Variants in SMARCC1 observed in about 807,000 individuals in gnomAD.
SMARCC1 encodes the protein SWI/SNF complex subunit SMARCC1.
In SMARCC1, 43 loss-of-function variants were observed where a neutral mutation model predicts 147.4. The observed-to-expected ratio is 0.29, with a 90% CI of 0.23 to 0.38. The LOEUF is 0.38. Ranked by LOEUF, SMARCC1 falls within the 10% of genes least tolerant of loss-of-function variation. The probability of loss-of-function intolerance (pLI) is 1.00; values close to 1 mark genes in which losing one functional copy is unlikely to be tolerated. For missense variants in SMARCC1, 1,119 were observed against 1,381.1 expected (o/e 0.81, Z 3.01); for synonymous variants, 495 against 484.4 (o/e 1.02, Z -0.29).
intron 4 of SMARCC1, among the ~76,000 whole-genome samples, chr3:47,736,479 T>C (rs2034445055): frequency 1.3e-5 from 2 of 151,584 alleles, no homozygotes; most frequent in Non-Finnish European, 2.9e-5. Flanking sequence ...ATCAAGACCA[T>C]CCTGGCTAAC....
intron 19 of SMARCC1, among the ~76,000 whole-genome samples, chr3:47,664,104 A>C (rs539972956): frequency 1.6e-4 from 24 of 149,374 alleles, no homozygotes; most frequent in Non-Finnish European, 3.0e-4. Flanking sequence ...CAAAAATCCT[A>C]GTTTCTGTTG....
chr3:47,734,160 G>A (rs141128543), intron 5 of SMARCC1, among the ~76,000 whole-genome samples: 120 of 152,168 alleles, frequency 7.9e-4, no homozygotes, highest in African/African-American at 2.7e-3. Context: ...GAAACAGCAG[G>A]TTAATTTGTT....
At chr3:47,648,580 G>C (rs2033149150) in intron 21 of SMARCC1, among the ~76,000 whole-genome samples, 1 of 151,756 alleles carries the variant, frequency 6.6e-6, no homozygotes, top group Non-Finnish European at 1.5e-5. Flanking sequence ...GTAGAGACGA[G>C]GTCTCACTAT....
At chr3:47,643,373 T>C (rs774127524) in intron 21 of SMARCC1, among the ~76,000 whole-genome samples, 3 of 152,182 alleles carry the variant, frequency 2.0e-5, no homozygotes, top group Non-Finnish European at 2.9e-5. Flanking sequence ...CAGAAACCAC[T>C]GGATACAACC....
At chr3:47,649,524 T>C (rs1344237984) in intron 21 of SMARCC1, among the ~76,000 whole-genome samples, 1 of 152,188 alleles carries the variant, frequency 6.6e-6, no homozygotes, top group African/African-American at 2.4e-5. Context: ...GATGTACTCA[T>C]GGGAAACCTG....
rs1295183517 is a variant in SMARCC1, at chr3:47,585,487, C to T, written c.*2722G>A. On this transcript the variant is annotated 3_prime_UTR_variant, in exon 28 of 28. Transcript: ENST00000254480. ...GAAAACAATCACTTCTTTTTTTCTG[C>T]ACAGGGTTTATATCTGTGAGTACCC... 6.6e-6 allele frequency: 1 copy of T among 152,144 alleles called. No homozygotes were observed. The allele number at this position is 152,144 out of a possible 1,614,324, so 9.4% of individuals were successfully genotyped here. A position where few individuals can be genotyped will look rare whatever the true frequency, so the allele number is the denominator to read the frequency against.
intron 25 of SMARCC1, among the ~76,000 whole-genome samples, chr3:47,620,319 T>C (rs2032708848): frequency 6.6e-6 from 1 of 151,936 alleles, no homozygotes; most frequent in African/African-American, 2.4e-5. Flanking sequence ...AAAAATTAGC[T>C]GGGCGTGGTG....
intron 22 of SMARCC1, 126 bp from the exon 23 acceptor site, chr3:47,636,262 G>A (rs2032967318): frequency 3.3e-6 from 2 of 613,024 alleles, no homozygotes; most frequent in African/African-American, 3.7e-5. Context: ...AGATTCAAAA[G>A]TGACTTGTAG....
chr3:47,673,941 T>C (rs2033537354), intron 18 of SMARCC1, among the ~76,000 whole-genome samples: 3 of 152,206 alleles, frequency 2.0e-5, no homozygotes, highest in African/African-American at 4.8e-5. Flanking sequence ...TGTGAGCCAC[T>C]GTGCCTGGCC....
intron 2 of SMARCC1, among the ~76,000 whole-genome samples, chr3:47,749,670 AACACAC>A (rs1328820771): frequency 1.1e-5 from 1 of 92,414 alleles, no homozygotes; most frequent in African/African-American, 3.3e-5. Flanking sequence ...CTCTAAATTA[AACACAC>A]ACACACACAC....
At chr3:47,723,795 G>A (rs2034265442) in intron 6 of SMARCC1, among the ~76,000 whole-genome samples, 1 of 151,940 alleles carries the variant, frequency 6.6e-6, no homozygotes, top group East Asian at 1.9e-4. Flanking sequence ...TGGGCAACAA[G>A]AGTGAAACTC....
At chr3:47,772,534 G>A (rs547477260) in intron 2 of SMARCC1, among the ~76,000 whole-genome samples, 1 of 152,140 alleles carries the variant, frequency 6.6e-6, no homozygotes, top group South Asian at 2.1e-4. Context: ...AGAAAGCATG[G>A]AGAAGACTCG....
In SMARCC1 at chr3:47,696,682, C is replaced by T. The variant is rs184136834; in HGVS notation, c.1166-3382G>A. ...TACAGGCACCCACCACCACACCCGGCTAATTTTTTTTTGTATTTTTAGTAG... is the reference window on the plus strand; with the variant it reads ...TACAGGCACCCACCACCACACCCGGTTAATTTTTTTTTGTATTTTTAGTAG... On this transcript the variant is annotated intron_variant, in intron 11 of 27. Transcript: ENST00000254480. 2.8e-3 allele frequency among the ~76,000 whole-genome samples: 429 copies of T among 151,978 alleles called. 2 individuals are homozygous for T. Among genetic ancestry groups the T allele is most frequent in the Non-Finnish European group, 4.0e-3 (272 of 67,956 alleles).
At chr3:47,660,765 T>C (rs904493207) in intron 21 of SMARCC1, among the ~76,000 whole-genome samples, 2 of 152,204 alleles carry the variant, frequency 1.3e-5, no homozygotes, top group Admixed American at 1.3e-4. Flanking sequence ...AGTATGTGAC[T>C]TCCTATTGGG....
intron 21 of SMARCC1, among the ~76,000 whole-genome samples, chr3:47,655,668 T>C (rs2106727753): frequency 6.6e-6 from 1 of 151,836 alleles, no homozygotes; most frequent in African/African-American, 2.4e-5. Context: ...ACCACCATAC[T>C]CCAGTCTGGG....
At position 47,755,359 on chromosome 3, in the gene SMARCC1, G is replaced by A. The variant is rs546761507; in HGVS notation, c.316-9366C>T. Reference sequence around the variant, plus strand: ...AAAAAAAAATACAAAAATTAGACAGGCACGGTGGCAGCCTGTAGTCCGAAC... The same window carrying A: ...AAAAAAAAATACAAAAATTAGACAGACACGGTGGCAGCCTGTAGTCCGAAC... On this transcript the variant is annotated intron_variant, in intron 2 of 27. Transcript: ENST00000254480. Among the ~76,000 whole-genome samples the A allele has an allele frequency of 2.4e-4, 36 of 150,890 alleles. 1 individual carries two copies. The highest frequency in any genetic ancestry group is 8.0e-4 in the African/African-American group (33 of 41,126).
At position 47,614,327 on chromosome 3, in the gene SMARCC1, T is replaced by C. The variant is rs570318385; in HGVS notation, c.2782-4000A>G. On this transcript the variant is annotated intron_variant, in intron 25 of 27. Transcript: ENST00000254480. ...TGCTTGCTTCTTGAGGCCACAAGTC[T>C]TTCTGCTTCAGAACTGAACCTGCTA... is the stretch of plus-strand genomic sequence containing the variant. 1.3e-4 allele frequency among the ~76,000 whole-genome samples: 20 copies of C among 152,354 alleles called. No individual in the cohort carries two copies. In the South Asian group the frequency reaches 4.1e-3, roughly 32 times the overall value.
intron 21 of SMARCC1, among the ~76,000 whole-genome samples, chr3:47,642,592 AAACAACAAC>A (rs34383211): frequency 6.0e-4 from 90 of 150,484 alleles, no homozygotes; most frequent in Middle Eastern, 3.5e-3. Context: ...TTTGTCCCAA[AAACAACAAC>A]AACAACAACA....
chr3:47,639,350 AAATT>A (rs1158547592), intron 21 of SMARCC1, among the ~76,000 whole-genome samples: 1 of 152,146 alleles, frequency 6.6e-6, no homozygotes, highest in Non-Finnish European at 1.5e-5. Flanking sequence ...TTACATGAGA[AAATT>A]ATTATTTCAA....
Sources: gnomAD v4.1 joint callset for allele counts (sites outside exome capture counted in the v4.1 genomes callset) on GRCh38, gnomAD v4.1.1 for gene constraint, MANE v1.5 for transcripts, NCBI Gene and HGNC (gene_info 2026-07-23, HGNC 2026-07-21) for gene names.